PARVB: variants seen among roughly 807,000 people sequenced by gnomAD.
The protein encoded by PARVB is parvin beta, also known as beta-parvin.
A neutral mutation model predicts 47.0 loss-of-function variants in PARVB; 46 were observed. That is an observed-to-expected ratio of 0.98 (90% CI 0.77 to 1.25). The LOEUF (loss-of-function observed/expected upper bound fraction) is 1.25, where lower values mean the gene tolerates loss of function less well. Ranked by LOEUF, PARVB falls within the 50% of genes most tolerant of loss-of-function variation. PARVB has a pLI of 0.00. For synonymous variants in PARVB, 196 were observed against 196.3 expected (o/e 1.00, Z 0.01); for missense variants, 473 against 471.6 (o/e 1.00, Z -0.03).
At chr22:44,135,724 G>C (rs1259752746) in intron 6 of PARVB, among the ~76,000 whole-genome samples, 1 of 152,220 alleles carries the variant, frequency 6.6e-6, no homozygotes, top group African/African-American at 2.4e-5. Flanking sequence ...GATGTTGTCA[G>C]GGTAGGATGT....
chr22:44,154,904 G>GTGT (rs1555912470), intron 10 of PARVB, among the ~76,000 whole-genome samples: 2 of 140,532 alleles, frequency 1.4e-5, no homozygotes, highest in African/African-American at 5.3e-5. Context: ...TGTAGTGTGT[G>GTGT]GTGTGTGTGT....
chr22:44,104,894 C>A (rs2052533474), intron 3 of PARVB: 1 of 152,254 alleles, frequency 6.6e-6, no homozygotes, highest in East Asian at 1.9e-4. Context: ...CTCCCAGAAC[C>A]CACTTAAAGC....
intron 3 of PARVB, chr22:44,105,562 A>G (rs1411294857): frequency 6.6e-6 from 1 of 151,936 alleles, no homozygotes; most frequent in Non-Finnish European, 1.5e-5. Flanking sequence ...GTCATTTCCT[A>G]TTTACTAGTT....
rs1183321595 is a variant in PARVB, at chr22:44,155,388, C to G, written c.844-2594C>G. On this transcript the variant is annotated intron_variant, in intron 10 of 12. Coordinates refer to ENST00000338758, the MANE Select transcript of PARVB (RefSeq NM_013327.5). This position sits in a 1 kb window ranked among gnomAD's most constrained non-coding sequence, Gnocchi z 4.8. The stretch of plus-strand genomic sequence containing the variant: ...TGGAGAGAGGGCACCACGCTGGGTG[C>G]TTGTGAAAGTGGAGGGTCACCCGCT... Among the ~76,000 whole-genome samples the G allele has an allele frequency of 6.6e-6, 1 of 152,136 alleles. No homozygotes were observed. The highest frequency in any genetic ancestry group is 1.5e-5 in the Non-Finnish European group (1 of 68,014).
chr22:44,065,001 AGAAAG>A (rs1022613986), intron 1 of PARVB, among the ~76,000 whole-genome samples: 8 of 152,218 alleles, frequency 5.3e-5, no homozygotes, highest in African/African-American at 1.9e-4. Flanking sequence ...GTTTTTGTGA[AGAAAG>A]GAAAGTGTCA....
At chr22:44,098,376 A>G (rs1276908808) in intron 2 of PARVB, among the ~76,000 whole-genome samples, 1 of 152,106 alleles carries the variant, frequency 6.6e-6, no homozygotes, top group African/African-American at 2.4e-5. Flanking sequence ...GGGCTCAAGG[A>G]TCTCAGCTGG....
intron 2 of PARVB, among the ~76,000 whole-genome samples, chr22:44,004,206 A>G (rs1486820234): frequency 6.6e-6 from 1 of 152,236 alleles, no homozygotes; most frequent in Non-Finnish European, 1.5e-5. Context: ...ATGGGCACAG[A>G]AAAGGGAGCC....
chr22:44,024,472 G>T, intron 1 of PARVB, 21 bp downstream of exon 1: 1 of 1,133,208 alleles, frequency 8.8e-7, no homozygotes. Context: ...GCCCGCGCCC[G>T]CCGACCCCCG....
chr22:44,046,909 A>T (rs1274148199), intron 1 of PARVB, among the ~76,000 whole-genome samples: 1 of 151,722 alleles, frequency 6.6e-6, no homozygotes, highest in Non-Finnish European at 1.5e-5. Context: ...GATGGTTTAG[A>T]GGATTTAGCG....
intron 1 of PARVB, among the ~76,000 whole-genome samples, chr22:44,053,118 C>G (rs1466201059): frequency 7.0e-6 from 1 of 142,860 alleles, no homozygotes; most frequent in Non-Finnish European, 1.5e-5. Flanking sequence ...GAGTCTTGCT[C>G]TGTCTCCCAG....
chr22:44,145,490 C>T (rs2053644213), intron 8 of PARVB: 1 of 152,256 alleles, frequency 6.6e-6, no homozygotes, highest in East Asian at 1.9e-4. Context: ...CAGGGCTGCT[C>T]CTTGTATTGG....
chr22:44,086,808 C>T, intron 1 of PARVB: 2 of 985,416 alleles, frequency 2.0e-6, no homozygotes, highest in South Asian at 9.4e-5. Context: ...ACGAAGAAAC[C>T]ACACCCCTCT....
intron 8 of PARVB, chr22:44,140,792 T>C (rs139615386): frequency 0.021 from 6,342 of 303,602 alleles, 93 homozygotes; most frequent in Non-Finnish European, 0.026. Context: ...TTTATTAGTG[T>C]TGGTTTTCAG....
At chr22:44,096,666 C>A (rs1163717711) in intron 2 of PARVB, among the ~76,000 whole-genome samples, 2 of 152,166 alleles carry the variant, frequency 1.3e-5, no homozygotes, top group African/African-American at 4.8e-5. Context: ...AAGTCTTGAA[C>A]CCCGGGCATT....
chr22:44,168,629 C>T lies in PARVB; in HGVS notation c.1046C>T (p.Thr349Ile). 1 of 1,613,236 alleles carries T rather than the reference C, an allele frequency of 6.2e-7. No homozygotes were observed. Among genetic ancestry groups the T allele is most frequent in the Non-Finnish European group, 8.5e-7 (1 of 1,179,236 alleles). Reference sequence around the variant, plus strand: ...GTGGTTAACTTGGACCTCAAATCCACCCTGAGGGTTCTTTACAACCTGTTC... The same window carrying T: ...GTGGTTAACTTGGACCTCAAATCCATCCTGAGGGTTCTTTACAACCTGTTC... Reference protein sequence around the residue: ...EDVVNLDLKSTLRVLYNLFTK... With the variant: ...EDVVNLDLKSILRVLYNLFTK... The change falls in exon 13 of 13, where the codon ACC becomes ATC. Residue 349 changes from threonine to isoleucine, a missense_variant. Transcript: ENST00000338758.
intron 1 of PARVB, among the ~76,000 whole-genome samples, chr22:44,091,433 A>G (rs969695184): frequency 4.6e-5 from 7 of 152,070 alleles, no homozygotes. Flanking sequence ...GAACTCTTTC[A>G]TCTTTCCAAA....
In PARVB at chr22:44,052,595, C is replaced by T. The variant is rs550656133; in HGVS notation, c.112+28144C>T. 4.5e-4 allele frequency among the ~76,000 whole-genome samples: 69 copies of T among 152,350 alleles called. 1 individual carries two copies. The highest frequency in any genetic ancestry group is 1.6e-3 in the African/African-American group (65 of 41,572). Reference sequence around the variant, plus strand: ...CAACTCTGCCTTGGAAGCATGAAAGCCCCTATAGACAGTTCATAAGCATAG... The same window carrying T: ...CAACTCTGCCTTGGAAGCATGAAAGTCCCTATAGACAGTTCATAAGCATAG... On this transcript the variant is annotated intron_variant, in intron 1 of 12. Transcript: ENST00000338758.
chr22:44,060,340 A>G (rs1477376419), intron 1 of PARVB, among the ~76,000 whole-genome samples: 1 of 152,118 alleles, frequency 6.6e-6, no homozygotes, highest in Non-Finnish European at 1.5e-5. Context: ...AAAGAATTTC[A>G]TGGTTGATTG....
intron 3 of PARVB, among the ~76,000 whole-genome samples, chr22:44,102,391 A>G (rs901987561): frequency 6.6e-6 from 1 of 152,240 alleles, no homozygotes; most frequent in African/African-American, 2.4e-5. Flanking sequence ...AAGTTGACAC[A>G]GAAGATGAAC....
Sources: gnomAD v4.1 joint callset for allele counts (sites outside exome capture counted in the v4.1 genomes callset) on GRCh38, gnomAD v4.1.1 for gene constraint, Gnocchi (gnomAD v3.1) non-coding constraint, MANE v1.5 for transcripts, NCBI Gene and HGNC (gene_info 2026-07-23, HGNC 2026-07-21) for gene names.